Variants in ZNF423 observed in about 807,000 individuals in gnomAD.
ZNF423 encodes the protein Ebf-associated zinc finger protein.
A neutral mutation model predicts 95.8 loss-of-function variants in ZNF423; 12 were observed. The ratio of observed to expected loss-of-function variants is 0.13; its 90% CI spans 0.08 to 0.20. The LOEUF (loss-of-function observed/expected upper bound fraction) is 0.20, where lower values mean the gene tolerates loss of function less well. Among genes scored for constraint, ZNF423 ranks in the 10% least tolerant of loss-of-function variants. The pLI, the probability that ZNF423 is intolerant of heterozygous loss-of-function variation, is 1.00. For missense variants in ZNF423, 1,316 were observed against 1,737.1 expected (o/e 0.76, Z 4.31); for synonymous variants, 749 against 711.9 (o/e 1.05, Z -0.83).
At chr16:49,840,797 C>G (rs539981467) in intron 1 of ZNF423, among the ~76,000 whole-genome samples, 2 of 152,320 alleles carry the variant, frequency 1.3e-5, no homozygotes, top group South Asian at 4.1e-4. Flanking sequence ...GACACACGCA[C>G]AGTCATGCAT....
At chr16:49,653,126 A>G (rs908302525) in intron 3 of ZNF423, among the ~76,000 whole-genome samples, 3 of 152,164 alleles carry the variant, frequency 2.0e-5, no homozygotes, top group Non-Finnish European at 4.4e-5. Flanking sequence ...GCAGGGCTGC[A>G]GCGGCAAAAC....
intron 7 of ZNF423, 30 bp downstream of exon 7, chr16:49,523,594 C>A: frequency 6.3e-7 from 1 of 1,582,670 alleles, no homozygotes; most frequent in Non-Finnish European, 8.7e-7. Flanking sequence ...GACCATCAGG[C>A]GGCGTGGTGC....
At chr16:49,505,533 C>T (rs533493413) in intron 7 of ZNF423, among the ~76,000 whole-genome samples, 45 of 152,262 alleles carry the variant, frequency 3.0e-4, no homozygotes, top group Non-Finnish European at 4.3e-4. Context: ...GGCCCAGCCC[C>T]CTTGCTGACA....
At chr16:49,547,201 T>C (rs1247545777) in intron 5 of ZNF423, among the ~76,000 whole-genome samples, 1 of 151,960 alleles carries the variant, frequency 6.6e-6, no homozygotes, top group Admixed American at 6.6e-5. Context: ...ATTGCAGGGG[T>C]TTCTGCTTGT....
intron 3 of ZNF423, among the ~76,000 whole-genome samples, chr16:49,688,054 G>GTT (rs5816653): frequency 1.1e-5 from 1 of 88,182 alleles, no homozygotes; most frequent in Non-Finnish European, 2.1e-5. Flanking sequence ...CCACGGTGCG[G>GTT]TTTTTTTTTT....
rs146766188 is a variant in ZNF423 at position 49,727,161 on chromosome 16, C to T, written c.301+3610G>A. On this transcript the variant is annotated intron_variant, in intron 3 of 7. Coordinates refer to ENST00000563137, the MANE Select transcript of ZNF423 (RefSeq NM_001379286.1). ...GTTTCTCCTCAGACACAAATGAGAG[C>T]GAGAGGGAGAGAGAGGAACAGGACT... is the stretch of plus-strand genomic sequence containing the variant. Among the ~76,000 whole-genome samples, 621 of 152,252 alleles carry T rather than the reference C, an allele frequency of 4.1e-3. 2 individuals carry two copies. Among genetic ancestry groups the T allele is most frequent in the Admixed American group, 8.4e-3 (129 of 15,300 alleles).
intron 7 of ZNF423, among the ~76,000 whole-genome samples, chr16:49,495,457 G>T (rs1223327283): frequency 6.6e-6 from 1 of 150,910 alleles, no homozygotes; most frequent in African/African-American, 2.4e-5. Flanking sequence ...GAGCACTCAG[G>T]AACTGGTTCC....
intron 2 of ZNF423, among the ~76,000 whole-genome samples, chr16:49,739,695 G>T (rs1462574929): frequency 3.8e-5 from 5 of 132,734 alleles, no homozygotes; most frequent in African/African-American, 1.1e-4. Flanking sequence ...GTTTTTGTTT[G>T]GTTTTTTTTT....
At chr16:49,586,648 C>T (rs879471424) in intron 5 of ZNF423, among the ~76,000 whole-genome samples, 1 of 152,360 alleles carries the variant, frequency 6.6e-6, no homozygotes, top group East Asian at 1.9e-4. Context: ...GCGAATGTGG[C>T]GTGTGGATCA....
At chr16:49,612,839 A>G (rs1971770122) in intron 5 of ZNF423, among the ~76,000 whole-genome samples, 2 of 152,248 alleles carry the variant, frequency 1.3e-5, no homozygotes, top group African/African-American at 4.8e-5. Context: ...GCAATACAAA[A>G]ATGAACATTC....
At chr16:49,521,375 C>G (rs1032258771) in intron 7 of ZNF423, among the ~76,000 whole-genome samples, 18 of 152,230 alleles carry the variant, frequency 1.2e-4, no homozygotes, top group Non-Finnish European at 2.1e-4. Context: ...TCAGGATACC[C>G]AGGCCTATTT....
At chr16:49,528,290 TC>T (rs1489029831) in intron 5 of ZNF423, among the ~76,000 whole-genome samples, 1 of 151,880 alleles carries the variant, frequency 6.6e-6, no homozygotes, top group Non-Finnish European at 1.5e-5. Context: ...CATCAGCTGG[TC>T]CCCCCTGATT....
rs987753929 is a variant in ZNF423 at position 49,731,506 on chromosome 16, G to A, written c.101-535C>T. 8 of 350,952 alleles carry A rather than the reference G, an allele frequency of 2.3e-5. No homozygotes were observed. The East Asian group carries it at 5.0e-4, about 22-fold the overall frequency. 21.7% of individuals were successfully genotyped at this position (350,952 alleles called of 1,614,324 possible). On this transcript the variant is annotated intron_variant, in intron 2 of 7. Transcript: ENST00000563137. The stretch of plus-strand genomic sequence containing the variant: ...CATGTTTGAAGAACCATGGATGGTC[G>A]AATCTCAAGCTTAAAATGCATCCAG...
chr16:49,568,641 G>C (rs1010858767), intron 5 of ZNF423, among the ~76,000 whole-genome samples: 2 of 151,994 alleles, frequency 1.3e-5, no homozygotes, highest in Non-Finnish European at 2.9e-5. Context: ...TTAGTACATC[G>C]ATGGTCTGAA....
chr16:49,521,910 C>T (rs1421782011), intron 7 of ZNF423, among the ~76,000 whole-genome samples: 2 of 152,224 alleles, frequency 1.3e-5, no homozygotes, highest in African/African-American at 2.4e-5. Flanking sequence ...CAGGCAACAG[C>T]CACCACCAGC....
chr16:49,653,606 A>G (rs755282304), intron 3 of ZNF423, among the ~76,000 whole-genome samples: 3 of 152,102 alleles, frequency 2.0e-5, no homozygotes, highest in African/African-American at 7.2e-5. Context: ...ACCTCCAGGG[A>G]AAGGGGTGGG....
At chr16:49,812,572 C>T (rs2034770812) in intron 1 of ZNF423, among the ~76,000 whole-genome samples, 2 of 152,244 alleles carry the variant, frequency 1.3e-5, no homozygotes, top group South Asian at 4.2e-4. Context: ...ATGCGCTACT[C>T]AGGAGGCTAA....
intron 3 of ZNF423, among the ~76,000 whole-genome samples, chr16:49,709,168 T>TTTTTTA (rs68002485): frequency 1.1e-5 from 1 of 93,420 alleles, no homozygotes; most frequent in Non-Finnish European, 2.2e-5. Context: ...CAGCAGCCGT[T>TTTTTTA]TATATATATA....
intron 5 of ZNF423, among the ~76,000 whole-genome samples, chr16:49,613,589 G>A (rs553922370): frequency 1.3e-5 from 2 of 152,176 alleles, no homozygotes; most frequent in Non-Finnish European, 2.9e-5. Context: ...ATTTTGTTAG[G>A]GGGGAAGTTG....
Sources: allele counts gnomAD v4.1 joint callset (sites outside exome capture counted in the v4.1 genomes callset), GRCh38; gene constraint gnomAD v4.1.1; transcripts MANE v1.5; gene names NCBI Gene and HGNC (gene_info 2026-07-23, HGNC 2026-07-21).